Variants in AKAP13 observed in about 807,000 individuals in gnomAD.
The protein encoded by AKAP13 is A-kinase anchor protein 13.
AKAP13 carries 80 observed loss-of-function variants against 264.5 expected under a neutral mutation model. The ratio of observed to expected loss-of-function variants is 0.30; its 90% CI spans 0.25 to 0.36. The LOEUF (loss-of-function observed/expected upper bound fraction) is 0.36. Ranked by LOEUF, AKAP13 falls within the 10% of genes least tolerant of loss-of-function variation. The pLI is 1.00. For synonymous variants in AKAP13, 1,380 were observed against 1,250.2 expected (o/e 1.10, Z -2.19); for missense variants, 3,712 against 3,435.2 (o/e 1.08, Z -2.01).
intron 8 of AKAP13, among the ~76,000 whole-genome samples, chr15:85,622,825 C>T (rs1156822063): frequency 6.6e-6 from 1 of 152,132 alleles, no homozygotes; most frequent in African/African-American, 2.4e-5. Flanking sequence ...CTATTCTAGA[C>T]CTCTTTTTTG....
chr15:85,504,694 CAA>C (rs60149423), intron 2 of AKAP13, among the ~76,000 whole-genome samples: 80 of 105,678 alleles, frequency 7.6e-4, no homozygotes, highest in South Asian at 1.3e-3. Context: ...ACCCTGTCTC[CAA>C]AAAAAAAAAA....
intron 1 of AKAP13, among the ~76,000 whole-genome samples, chr15:85,460,402 G>A (rs1348797457): frequency 6.6e-6 from 1 of 152,210 alleles, no homozygotes; most frequent in Non-Finnish European, 1.5e-5. Context: ...TACAGTGGAA[G>A]TTCACTGGTG....
intron 8 of AKAP13, among the ~76,000 whole-genome samples, chr15:85,599,731 AC>A (rs2079970708): frequency 6.6e-6 from 1 of 152,090 alleles, no homozygotes; most frequent in Non-Finnish European, 1.5e-5. Context: ...AATAATGCAT[AC>A]CTTTTATGAA....
rs549885955 is a variant in AKAP13 at position 85,447,381 on chromosome 15, T to A, written c.-11-38329T>A. Among the ~76,000 whole-genome samples, 160 of 152,218 alleles carry A rather than the reference T, an allele frequency of 1.1e-3. 1 individual carries two copies. Among genetic ancestry groups the A allele is most frequent in the East Asian group, 4.2e-3 (22 of 5,188 alleles). On this transcript the variant is annotated intron_variant, in intron 1 of 36. Coordinates refer to ENST00000394518, the MANE Select transcript of AKAP13 (RefSeq NM_007200.5). ...TTTTAACTCCTTTTTTAAAAAAAAA[T>A]TTTATTTTAGGTTTGGGGATACATG...
intron 2 of AKAP13, among the ~76,000 whole-genome samples, chr15:85,505,637 C>T (rs575214428): frequency 2.0e-5 from 3 of 151,994 alleles, no homozygotes; most frequent in Admixed American, 6.5e-5. Flanking sequence ...ATGTAAAAGT[C>T]GATAAATTTC....
intron 1 of AKAP13, among the ~76,000 whole-genome samples, chr15:85,476,013 A>AC (rs1198669025): frequency 6.6e-6 from 1 of 152,216 alleles, no homozygotes; most frequent in Non-Finnish European, 1.5e-5. Flanking sequence ...GAAGGCAAGC[A>AC]CAAAAATAAA....
intron 12 of AKAP13, among the ~76,000 whole-genome samples, chr15:85,659,997 G>A (rs1398896237): frequency 2.6e-5 from 4 of 152,126 alleles, no homozygotes; most frequent in African/African-American, 9.7e-5. Flanking sequence ...GGAGTTTTCT[G>A]TTACCAGAAA....
At position 85,723,282 on chromosome 15, in the gene AKAP13, G is replaced by C. The variant is rs758144958; in HGVS notation, c.6707G>C (p.Gly2236Ala). 1.2e-6 allele frequency: 2 copies of C among 1,614,014 alleles called. No homozygotes were observed. Among genetic ancestry groups the C allele is most frequent in the Non-Finnish European group, 1.7e-6 (2 of 1,179,998 alleles). Reference protein sequence around the residue: ...DLKRKKLVRDGSVFLKNAAGR... With the variant: ...DLKRKKLVRDASVFLKNAAGR... ...AAACGGAAGAAGCTTGTACGTGATG[G>C]GAGTGTGTTTCTGAAGAATGCAGCA... Residue 2236 changes from glycine (G) to alanine (A), a missense_variant, in exon 26 of 37, where the codon GGG (glycine) becomes GCG (alanine). Physicochemically the swap from Gly to Ala is moderately conservative, Grantham distance 60. This residue lies in a region of AKAP13 where 342 missense variants were observed against 484.3 expected (regional missense o/e 0.71). Transcript: ENST00000394518.
At chr15:85,431,340 A>C (rs2073016067) in intron 1 of AKAP13, among the ~76,000 whole-genome samples, 1 of 152,186 alleles carries the variant, frequency 6.6e-6, no homozygotes, top group South Asian at 2.1e-4. Flanking sequence ...TTCATACCTT[A>C]GCTCTTCCAG....
At chr15:85,432,408 A>AT (rs1446049618) in intron 1 of AKAP13, among the ~76,000 whole-genome samples, 1 of 151,978 alleles carries the variant, frequency 6.6e-6, no homozygotes, top group Admixed American at 6.6e-5. Flanking sequence ...TAGCTGAAAC[A>AT]TTTTTTATGC....
intron 30 of AKAP13, among the ~76,000 whole-genome samples, chr15:85,732,795 C>T (rs1284971737): frequency 1.3e-5 from 2 of 150,300 alleles, no homozygotes; most frequent in East Asian, 3.9e-4. Context: ...AATAGTATTA[C>T]TATTACTATT....
intron 14 of AKAP13, among the ~76,000 whole-genome samples, chr15:85,679,958 A>G (rs868548919): frequency 2.0e-5 from 3 of 152,320 alleles, no homozygotes; most frequent in Middle Eastern, 6.8e-3. Flanking sequence ...AACCACATCT[A>G]AAAGGTCATC....
intron 7 of AKAP13, chr15:85,583,161 G>T: frequency 5.1e-6 from 5 of 985,430 alleles, no homozygotes; most frequent in Non-Finnish European, 6.0e-6. Flanking sequence ...CTAGGCTTTT[G>T]TAGGTAAGAA....
intron 5 of AKAP13, among the ~76,000 whole-genome samples, chr15:85,568,931 G>T (rs1325084297): frequency 6.6e-6 from 1 of 152,178 alleles, no homozygotes; most frequent in African/African-American, 2.4e-5. Context: ...AAGAGTGGCT[G>T]TAAGAGTCCA....
chr15:85,422,037 T>C (rs1325623950), intron 1 of AKAP13, among the ~76,000 whole-genome samples: 2 of 152,196 alleles, frequency 1.3e-5, no homozygotes, highest in African/African-American at 2.4e-5. Flanking sequence ...AAATAGAGCA[T>C]TGATGTGAAT....
intron 23 of AKAP13, among the ~76,000 whole-genome samples, chr15:85,719,656 C>T (rs951634095): frequency 5.9e-5 from 9 of 152,132 alleles, no homozygotes; most frequent in African/African-American, 2.2e-4. Context: ...ATTAATATGG[C>T]CAGGCACAGT....
rs905131166 is a variant in AKAP13, at chr15:85,658,571, C to T, written c.4780C>T (p.Pro1594Ser). Residue 1594 changes from proline to serine, a missense_variant, in exon 12 of 37, where the codon CCT becomes TCT. Physicochemically the swap from Pro to Ser is moderately conservative, Grantham distance 74. Coordinates refer to ENST00000394518, the MANE Select transcript of AKAP13 (RefSeq NM_007200.5). ...MRVLGDVVRR[P>S]PIHRRSFSLE... is the part of the protein sequence containing the mutation. Reference sequence around the variant, plus strand: ...AGTTCTTGGGGATGTTGTCAGGAGACCTCCCATTCATAGGAGAAGGTACAG... The same window carrying T: ...AGTTCTTGGGGATGTTGTCAGGAGATCTCCCATTCATAGGAGAAGGTACAG... The T allele has an allele frequency of 5.6e-6, 9 of 1,613,752 alleles. No individual in the cohort carries two copies. In the African/African-American group the frequency reaches 1.1e-4, roughly 19 times the overall value.
At chr15:85,496,722 C>T (rs1343977238) in intron 2 of AKAP13, among the ~76,000 whole-genome samples, 2 of 152,222 alleles carry the variant, frequency 1.3e-5, no homozygotes, top group African/African-American at 4.8e-5. Context: ...GCCTTATCAG[C>T]CTCCTGATCT....
rs543777869 is a variant in AKAP13, at chr15:85,743,821, C to T, written c.8388C>T (p.Pro2796=). ...AGAACAAAACCAGCCGCTCTCAGCC[C>T]GGTGGTGAGTCACGCACACCTGCTC... ...KKKNKTSRSQ[P]GDGPASEVSA... Residue 2796 remains proline (P), a synonymous_variant, in exon 36 of 37, where the codon CCC becomes CCT. Transcript: ENST00000394518. 2.3e-5 allele frequency: 37 copies of T among 1,607,874 alleles called. No homozygotes were observed. The highest frequency in any genetic ancestry group is 4.5e-5 in the East Asian group (2 of 44,832).
Sources: allele counts gnomAD v4.1 joint callset (sites outside exome capture counted in the v4.1 genomes callset), GRCh38; gene constraint gnomAD v4.1.1; regional missense constraint gnomAD v4.1.1; transcripts MANE v1.5; gene names NCBI Gene and HGNC (gene_info 2026-07-23, HGNC 2026-07-21).